The following AGMO variants were observed in gnomAD, a reference collection of about 807,000 sequenced individuals.
The protein encoded by AGMO is alkylglycerol monooxygenase.
In AGMO, 75 loss-of-function variants were observed where a neutral mutation model predicts 60.2. That is an observed-to-expected ratio of 1.25 (90% CI 1.03 to 1.51). The LOEUF (loss-of-function observed/expected upper bound fraction) is 1.51, where lower values mean the gene tolerates loss of function less well. AGMO is among the 40% of genes most tolerant of loss of function. The pLI, the probability that AGMO is intolerant of heterozygous loss-of-function variation, is 0.00. For synonymous variants in AGMO, 261 were observed against 177.1 expected (o/e 1.47, Z -3.76); for missense variants, 763 against 525.5 (o/e 1.45, Z -4.42).
At chr7:15,193,707 C>T in the AGMO span, among the ~76,000 whole-genome samples, 3 of 152,060 alleles carry the variant, frequency 2.0e-5, no homozygotes, top group Non-Finnish European at 2.9e-5. Context: ...TAAAGATCTC[C>T]AACTAGTTCT....
chr7:15,354,291 T>G (rs1583445511), intron 12 of AGMO, among the ~76,000 whole-genome samples: 1 of 117,412 alleles, frequency 8.5e-6, no homozygotes, highest in Non-Finnish European at 1.8e-5. Flanking sequence ...ACGAATGAGA[T>G]AAATATATAT....
the AGMO span, among the ~76,000 whole-genome samples, chr7:15,129,702 A>G: frequency 4.6e-5 from 7 of 152,112 alleles, no homozygotes; most frequent in Non-Finnish European, 7.4e-5. Context: ...TATCCATCCA[A>G]TTGCATTATG....
intron 12 of AGMO, among the ~76,000 whole-genome samples, chr7:15,359,058 G>C (rs1222695240): frequency 6.6e-6 from 1 of 152,094 alleles, no homozygotes; most frequent in Non-Finnish European, 1.5e-5. Context: ...GGGAGGCCAA[G>C]ACAGGCGGAT....
chr7:15,213,455 A>G (rs780150671), intron 12 of AGMO, among the ~76,000 whole-genome samples: 10 of 151,936 alleles, frequency 6.6e-5, no homozygotes, highest in Admixed American at 2.0e-4. Flanking sequence ...AAAAAATATA[A>G]ATTTCCCCAG....
intron 10 of AGMO, among the ~76,000 whole-genome samples, chr7:15,379,586 A>T (rs1783596390): frequency 1.3e-5 from 2 of 152,048 alleles, no homozygotes; most frequent in Non-Finnish European, 1.5e-5. Flanking sequence ...AACAATAGTG[A>T]GCTCTAAAAT....
chr7:15,236,423 T>A (rs572839915), intron 12 of AGMO, among the ~76,000 whole-genome samples: 1 of 152,252 alleles, frequency 6.6e-6, no homozygotes, highest in East Asian at 1.9e-4. Flanking sequence ...AATATGTCAG[T>A]AACAAAAGGG....
At chr7:15,378,767 G>A (rs1783559330) in intron 10 of AGMO, among the ~76,000 whole-genome samples, 1 of 151,740 alleles carries the variant, frequency 6.6e-6, no homozygotes, top group African/African-American at 2.4e-5. Context: ...TAATCTCAGT[G>A]ATGTCTAAAA....
chr7:15,121,840 C>A, the AGMO span, among the ~76,000 whole-genome samples: 1 of 152,136 alleles, frequency 6.6e-6, no homozygotes, highest in South Asian at 2.1e-4. Context: ...ATAAATGGTG[C>A]TGGAAAAACT....
intron 3 of AGMO, among the ~76,000 whole-genome samples, chr7:15,512,495 CA>C (rs1281006041): frequency 2.0e-5 from 3 of 152,138 alleles, no homozygotes; most frequent in Admixed American, 6.5e-5. Context: ...TCAATCAATC[CA>C]CCCTCCTCGG....
At chr7:15,228,215 G>A (rs1782148464) in intron 12 of AGMO, among the ~76,000 whole-genome samples, 1 of 151,980 alleles carries the variant, frequency 6.6e-6, no homozygotes, top group African/African-American at 2.4e-5. Flanking sequence ...GTCTACTTTG[G>A]TGGGCAAGTG....
chr7:15,126,580 C>T, the AGMO span, among the ~76,000 whole-genome samples: 1 of 152,048 alleles, frequency 6.6e-6, no homozygotes, highest in African/African-American at 2.4e-5. Flanking sequence ...GTCTAAGGGT[C>T]TGGGGAGTCA....
intron 2 of AGMO, among the ~76,000 whole-genome samples, chr7:15,553,796 G>C (rs1785047877): frequency 6.6e-6 from 1 of 152,004 alleles, no homozygotes; most frequent in Non-Finnish European, 1.5e-5. Context: ...GCCAGGTCTT[G>C]AGCAGACACC....
At chr7:15,156,358 G>A in the AGMO span, among the ~76,000 whole-genome samples, 3 of 70,232 alleles carry the variant, frequency 4.3e-5, no homozygotes, top group African/African-American at 1.1e-4. Context: ...AGAGGCTGGC[G>A]GATAGGGGGT....
At chr7:15,354,165 A>C (rs1280623626) in intron 12 of AGMO, among the ~76,000 whole-genome samples, 1 of 151,554 alleles carries the variant, frequency 6.6e-6, no homozygotes, top group African/African-American at 2.4e-5. Flanking sequence ...ACCACAAATA[A>C]ATCACCCCAA....
At chr7:15,412,650 G>C (rs1041502942) in intron 5 of AGMO, among the ~76,000 whole-genome samples, 69 of 149,730 alleles carry the variant, frequency 4.6e-4, no homozygotes, top group Non-Finnish European at 8.6e-4. Flanking sequence ...CCACGTGAGA[G>C]GGGCTTTGTA....
intron 2 of AGMO, among the ~76,000 whole-genome samples, chr7:15,558,483 A>G (rs913566562): frequency 2.0e-5 from 3 of 152,048 alleles, no homozygotes; most frequent in East Asian, 1.9e-4. Flanking sequence ...ATCTAAATCT[A>G]TATACCCTTG....
chr7:15,449,483 GT>G (rs1781800525), intron 3 of AGMO, among the ~76,000 whole-genome samples: 1 of 152,052 alleles, frequency 6.6e-6, no homozygotes. Flanking sequence ...CCTTTTCTAT[GT>G]ATAAATATGT....
intron 12 of AGMO, among the ~76,000 whole-genome samples, chr7:15,328,752 C>T (rs976247543): frequency 6.6e-6 from 1 of 152,156 alleles, no homozygotes; most frequent in Non-Finnish European, 1.5e-5. Flanking sequence ...TCACCAATTT[C>T]CAAGAGTTTC....
chr7:15,137,214 C>T, the AGMO span, among the ~76,000 whole-genome samples: 1 of 152,154 alleles, frequency 6.6e-6, no homozygotes, highest in African/African-American at 2.4e-5. Context: ...TAACTTGTAT[C>T]TCTAGAAAGC....
Sources: allele counts gnomAD v4.1 joint callset (sites outside exome capture counted in the v4.1 genomes callset), GRCh38; gene constraint gnomAD v4.1.1; transcripts MANE v1.5; gene names NCBI Gene and HGNC (gene_info 2026-07-23, HGNC 2026-07-21).